The following PEX5L variants were observed in gnomAD, a reference collection of about 807,000 sequenced individuals.
PEX5L encodes the protein peroxisomal biogenesis factor 5 like.
PEX5L carries 30 observed loss-of-function variants against 84.0 expected under a neutral mutation model. The ratio of observed to expected loss-of-function variants is 0.36; its 90% CI spans 0.27 to 0.48. The LOEUF (loss-of-function observed/expected upper bound fraction) is 0.48, where lower values mean the gene tolerates loss of function less well. Among genes scored for constraint, PEX5L ranks in the 20% least tolerant of loss-of-function variants. The pLI, the probability that PEX5L is intolerant of heterozygous loss-of-function variation, is 0.99. For synonymous variants in PEX5L, 270 were observed against 283.1 expected (o/e 0.95, Z 0.46); for missense variants, 533 against 754.6 (o/e 0.71, Z 3.44).
intron 2 of PEX5L, among the ~76,000 whole-genome samples, chr3:179,940,603 T>TA (rs1775820488): frequency 6.6e-6 from 1 of 152,164 alleles, no homozygotes; most frequent in South Asian, 2.1e-4. Context: ...GGGGCTCCAG[T>TA]TATATACTGG....
intron 2 of PEX5L, among the ~76,000 whole-genome samples, chr3:179,953,781 A>G (rs1483086271): frequency 6.6e-6 from 1 of 152,166 alleles, no homozygotes; most frequent in East Asian, 1.9e-4. Context: ...AAAGGTGCAA[A>G]CAGCCTCGCC....
At chr3:179,986,682 G>A (rs1387846158) in intron 1 of PEX5L, among the ~76,000 whole-genome samples, 3 of 152,074 alleles carry the variant, frequency 2.0e-5, no homozygotes, top group African/African-American at 4.8e-5. Context: ...GATTACAGGC[G>A]TGAGCCACCG....
chr3:179,988,684 G>T (rs1452696336), intron 1 of PEX5L, among the ~76,000 whole-genome samples: 1 of 152,182 alleles, frequency 6.6e-6, no homozygotes, highest in Admixed American at 6.5e-5. Context: ...GAACTTGCTG[G>T]TGCTCAGTTG....
intron 2 of PEX5L, among the ~76,000 whole-genome samples, chr3:179,927,267 C>A (rs1285526493): frequency 2.0e-5 from 3 of 149,128 alleles, no homozygotes; most frequent in Non-Finnish European, 4.4e-5. Flanking sequence ...CAGACAGGGA[C>A]CCTGACTAAG....
chr3:179,924,683 C>A lies in PEX5L; in HGVS notation c.94-26437G>T, dbSNP rs1770874775. Among the ~76,000 whole-genome samples, 5 of 152,266 alleles carry A rather than the reference C, an allele frequency of 3.3e-5. No homozygotes were observed. The South Asian group carries it at 1.0e-3, about 32-fold the overall frequency. ...AGGACCATGGAAATATACTTACCTG[C>A]ATTTCCATGATCCTAATAATCTCTT... is the stretch of plus-strand genomic sequence containing the variant. On this transcript the variant is annotated intron_variant, in intron 2 of 14. Coordinates refer to ENST00000467460, the MANE Select transcript of PEX5L (RefSeq NM_016559.3).
At chr3:179,823,892 G>A (rs1338619745) in intron 8 of PEX5L, among the ~76,000 whole-genome samples, 1 of 152,032 alleles carries the variant, frequency 6.6e-6, no homozygotes, top group Non-Finnish European at 1.5e-5. Flanking sequence ...TCTTAGCACA[G>A]AATCACATTT....
At chr3:179,851,672 T>C (rs1741951422) in intron 8 of PEX5L, among the ~76,000 whole-genome samples, 1 of 152,178 alleles carries the variant, frequency 6.6e-6, no homozygotes, top group Admixed American at 6.6e-5. Flanking sequence ...ATAGGACATA[T>C]AAACGGAAGG....
intron 2 of PEX5L, among the ~76,000 whole-genome samples, chr3:179,932,889 CTT>C (rs1773489014): frequency 6.6e-6 from 1 of 152,142 alleles, no homozygotes; most frequent in South Asian, 2.1e-4. Context: ...AATCTACTCT[CTT>C]AGAGATTTTT....
rs1261828577 is a variant in PEX5L, at chr3:179,993,811, T to C, written c.22-22146A>G. ...AGCCACCGCATCCGGCTTTCCCATA[T>C]ACTTTAAATCATCTCTAGATTGCTT... On this transcript the variant is annotated intron_variant, in intron 1 of 14. Transcript: ENST00000467460. Among the ~76,000 whole-genome samples the C allele has an allele frequency of 3.3e-5, 5 of 152,298 alleles. No individual in the cohort carries two copies. In the South Asian group the frequency reaches 8.3e-4, roughly 25 times the overall value.
intron 8 of PEX5L, among the ~76,000 whole-genome samples, chr3:179,842,841 T>A (rs947987776): frequency 2.6e-5 from 4 of 152,136 alleles, no homozygotes; most frequent in African/African-American, 9.7e-5. Flanking sequence ...AATATAGTAA[T>A]GAGAAATCCT....
intron 2 of PEX5L, among the ~76,000 whole-genome samples, chr3:179,922,463 T>C (rs972011743): frequency 1.5e-4 from 23 of 151,090 alleles, no homozygotes; most frequent in Admixed American, 1.2e-3. Flanking sequence ...TTTTTTTTTT[T>C]TTTTTGAAGG....
At chr3:180,001,693 A>C (rs1357372849) in intron 1 of PEX5L, among the ~76,000 whole-genome samples, 6 of 152,078 alleles carry the variant, frequency 3.9e-5, no homozygotes, top group Admixed American at 3.9e-4. Context: ...TATTTTATGC[A>C]TATGTTTTAT....
intron 8 of PEX5L, among the ~76,000 whole-genome samples, chr3:179,839,995 G>A (rs182388933): frequency 7.2e-5 from 11 of 152,158 alleles, no homozygotes; most frequent in African/African-American, 2.6e-4. Context: ...GAATGAGCCT[G>A]GAGGGATGAA....
chr3:179,950,364 T>C (rs924797496), intron 2 of PEX5L, among the ~76,000 whole-genome samples: 3 of 90,670 alleles, frequency 3.3e-5, no homozygotes, highest in African/African-American at 1.4e-4. Flanking sequence ...TGCTGTAGGG[T>C]GAGGGGAGGG....
intron 7 of PEX5L, among the ~76,000 whole-genome samples, chr3:179,873,276 T>A (rs371445248): frequency 1.1e-4 from 17 of 152,334 alleles, no homozygotes; most frequent in African/African-American, 4.1e-4. Flanking sequence ...CTTATAGCAC[T>A]CAGTAATATC....
chr3:179,957,349 A>G (rs1049574625), intron 2 of PEX5L, among the ~76,000 whole-genome samples: 5 of 152,094 alleles, frequency 3.3e-5, no homozygotes, highest in African/African-American at 1.2e-4. Flanking sequence ...ATTAACAGGT[A>G]AGGCTCAGGG....
chr3:179,979,661 C>T (rs1436012479), intron 1 of PEX5L, among the ~76,000 whole-genome samples: 1 of 152,214 alleles, frequency 6.6e-6, no homozygotes, highest in Non-Finnish European at 1.5e-5. Flanking sequence ...CTACAATAAT[C>T]TCTCCCATCC....
rs548634586 is a variant in PEX5L, at chr3:179,826,995, A to C, written c.823-7019T>G. ...AGGACAGGGTGAACAATAAAATGCA[A>C]AAAGAGATGAAGTTACTTGCTCAGT... On this transcript the variant is annotated intron_variant, in intron 8 of 14. Transcript: ENST00000467460. Among the ~76,000 whole-genome samples the C allele has an allele frequency of 2.6e-5, 4 of 152,322 alleles. No individual in the cohort carries two copies. The South Asian group carries it at 8.3e-4, about 32-fold the overall frequency.
intron 2 of PEX5L, among the ~76,000 whole-genome samples, chr3:179,932,499 A>G (rs922206038): frequency 4.6e-5 from 7 of 152,162 alleles, no homozygotes; most frequent in African/African-American, 1.7e-4. Flanking sequence ...AAAGGTAAAT[A>G]ATGTTTTAGT....
Sources: gnomAD v4.1 joint callset for allele counts (sites outside exome capture counted in the v4.1 genomes callset) on GRCh38, gnomAD v4.1.1 for gene constraint, MANE v1.5 for transcripts, NCBI Gene and HGNC (gene_info 2026-07-23, HGNC 2026-07-21) for gene names.